UGT3A1: variants seen among roughly 807,000 people sequenced by gnomAD.
UGT3A1 encodes the protein UDP-glycosyltransferase 3A1.
A neutral mutation model predicts 37.6 loss-of-function variants in UGT3A1; 40 were observed. That is an observed-to-expected ratio of 1.06 (90% confidence interval 0.83 to 1.38). UGT3A1 has a LOEUF of 1.38. UGT3A1 is among the 40% of genes most tolerant of loss of function. The pLI, the probability that UGT3A1 is intolerant of heterozygous loss-of-function variation, is 0.00. For missense variants in UGT3A1, 642 were observed against 634.2 expected, an observed-to-expected ratio of 1.01 and a Z score of -0.13; for synonymous variants, 256 against 232.3, an observed-to-expected ratio of 1.10 and a Z score of -0.93.
intron 2 of UGT3A1, among the ~76,000 whole-genome samples, chr5:35,987,905 GAA>G (rs1036512483): frequency 1.3e-5 from 2 of 152,152 alleles, no homozygotes; most frequent in African/African-American, 4.8e-5. Context: ...TGGAGGAAAT[GAA>G]TCAATTAAAA....
chr5:35,954,759 G>A, intron 6 of UGT3A1: 1 of 449,532 alleles, frequency 2.2e-6, no homozygotes, highest in Non-Finnish European at 4.0e-6. Flanking sequence ...CATATCCCTA[G>A]GATGCTTATG....
Position 35,957,177 on chromosome 5 carries a change from G to A in UGT3A1, c.1075+11C>T, listed in dbSNP as rs1739386862. On this transcript the variant is annotated intron_variant, in intron 5 of 6. Transcript: ENST00000274278. ...AATGGAAAGAGAAGAGCAGACCTAA[G>A]CAGTCCTTACCCAGGAGGTCACTCT... The A allele has an allele frequency of 1.2e-6, 2 of 1,611,110 alleles. No homozygotes were observed. Among genetic ancestry groups the A allele is most frequent in the Non-Finnish European group, 1.7e-6 (2 of 1,177,592 alleles).
Position 35,968,072 on chromosome 5 carries a change from T to C in UGT3A1, c.258A>G (p.Gln86=), listed in dbSNP as rs773863744. 1.2e-6 allele frequency: 2 copies of C among 1,613,220 alleles called. No individual in the cohort carries two copies. Among genetic ancestry groups the C allele is most frequent in the Admixed American group, 1.7e-5 (1 of 59,968 alleles). The change falls in exon 3 of 7, where the codon CAA becomes CAG. Residue 86 remains glutamine (Q), a synonymous_variant. Transcript: ENST00000274278. ...VIRWFSPEDH[Q]KRIKKHFDSY... ...TATCAAAATGCTTCTTAATTCTTTT[T>C]TGATGATCTTCAGGTGAAAACCACC...
At position 35,955,677 on chromosome 5, in the gene UGT3A1, T is replaced by A. The variant is rs1169258748; in HGVS notation, c.1263A>T (p.Thr421=). 6.2e-7 allele frequency: 1 copy of A among 1,614,100 alleles called. No individual in the cohort carries two copies. Among genetic ancestry groups the A allele is most frequent in the East Asian group, 2.2e-5 (1 of 44,898 alleles). Reference sequence around the variant, plus strand: ...CTTCTATGACTTGTTTCATTGTAAGTGTCAGTGTGTCGGCTGTGACCTGAT... The same window carrying A: ...CTTCTATGACTTGTTTCATTGTAAGAGTCAGTGTGTCGGCTGTGACCTGAT... ...RLNQVTADTL[T]LTMKQVIEDK... Residue 421 remains threonine, a synonymous_variant, in exon 6 of 7, where the codon ACA becomes ACT. Transcript: ENST00000274278.
intron 2 of UGT3A1, among the ~76,000 whole-genome samples, chr5:35,973,293 A>G (rs1740125556): frequency 6.6e-6 from 1 of 152,198 alleles, no homozygotes; most frequent in Admixed American, 6.5e-5. Context: ...GTTACCCATA[A>G]GAAGGTTCAC....
At chr5:35,994,606 C>A (rs1282128811), upstream of UGT3A1, among the ~76,000 whole-genome samples, 1 of 152,070 alleles carries the variant, frequency 6.6e-6, no homozygotes, top group South Asian at 2.1e-4. Context: ...CTAATCTCAG[C>A]TGACAGGTGC....
At chr5:35,990,413 C>T (rs1740897581) in intron 1 of UGT3A1, among the ~76,000 whole-genome samples, 1 of 152,000 alleles carries the variant, frequency 6.6e-6, no homozygotes, top group African/African-American at 2.4e-5. Flanking sequence ...GGATCGAGCT[C>T]ATATATAATT....
intron 2 of UGT3A1, among the ~76,000 whole-genome samples, chr5:35,974,750 C>T: frequency 6.6e-6 from 1 of 152,162 alleles, no homozygotes; most frequent in East Asian, 1.9e-4. Flanking sequence ...TAGTCAAGTC[C>T]ATCAAAGACA....
chr5:35,956,968 G>C (rs532654366), intron 5 of UGT3A1, among the ~76,000 whole-genome samples: 1 of 152,284 alleles, frequency 6.6e-6, no homozygotes, highest in South Asian at 2.1e-4. Context: ...GCTTGGGTTA[G>C]AAAGAAAAAG....
At chr5:35,982,567 A>C (rs535051788) in intron 2 of UGT3A1, among the ~76,000 whole-genome samples, 127 of 152,296 alleles carry the variant, frequency 8.3e-4, no homozygotes, top group African/African-American at 3.0e-3. Flanking sequence ...CTATCCTCTC[A>C]TGGTATCTTG....
At chr5:35,972,503 G>A (rs1286897851) in intron 2 of UGT3A1, among the ~76,000 whole-genome samples, 1 of 145,162 alleles carries the variant, frequency 6.9e-6, no homozygotes, top group African/African-American at 2.8e-5. Context: ...ACGTGTGTGT[G>A]TGTGTGTGTG....
intron 3 of UGT3A1, 61 bp downstream of exon 3, chr5:35,967,954 ATCTC>A: frequency 8.1e-7 from 1 of 1,237,378 alleles, no homozygotes; most frequent in South Asian, 1.3e-5. Flanking sequence ...AATATCATGC[ATCTC>A]TCTATTCATT....
intron 2 of UGT3A1, among the ~76,000 whole-genome samples, chr5:35,977,111 A>AAAGG (rs201260966): frequency 6.7e-6 from 1 of 148,610 alleles, no homozygotes; most frequent in Non-Finnish European, 1.5e-5. Flanking sequence ...AAAGAGAAAG[A>AAAGG]GAGAAAGAAA....
chr5:35,967,440 C>A (rs1739854834), intron 3 of UGT3A1, among the ~76,000 whole-genome samples: 1 of 152,124 alleles, frequency 6.6e-6, no homozygotes, highest in Non-Finnish European at 1.5e-5. Flanking sequence ...CAGGTGAGGG[C>A]AAGAAGTCTC....
chr5:35,995,040 C>G (rs1741062038), upstream of UGT3A1, among the ~76,000 whole-genome samples: 1 of 152,186 alleles, frequency 6.6e-6, no homozygotes, highest in South Asian at 2.1e-4. Context: ...GAGCTACTTT[C>G]AATGGTATCT....
chr5:35,979,161 C>T (rs1740418363), intron 2 of UGT3A1, among the ~76,000 whole-genome samples: 1 of 151,620 alleles, frequency 6.6e-6, no homozygotes. Context: ...GGTTTTTCCA[C>T]AGACATGCCC....
intron 2 of UGT3A1, among the ~76,000 whole-genome samples, chr5:35,975,209 G>T (rs1449248286): frequency 6.6e-6 from 1 of 152,168 alleles, no homozygotes; most frequent in Non-Finnish European, 1.5e-5. Context: ...CAGGGATGGA[G>T]TTTATGTATG....
chr5:35,983,596 A>G (rs11750394), intron 2 of UGT3A1, among the ~76,000 whole-genome samples: 41,391 of 152,134 alleles, frequency 0.27, 6,968 homozygotes, highest in Non-Finnish European at 0.38. Flanking sequence ...ATAATAAGAA[A>G]AAAAAACACT....
chr5:35,989,236 C>T lies in UGT3A1; in HGVS notation c.95-685G>A, dbSNP rs79293887. Among the ~76,000 whole-genome samples, 690 of 152,290 alleles carry T rather than the reference C, an allele frequency of 4.5e-3. 5 individuals are homozygous for T. Among genetic ancestry groups the T allele is most frequent in the Middle Eastern group, 0.017 (5 of 294 alleles). ...GGGGTGGGCCTATAGATCCTGGTTG[C>T]ACCAGAAACTAAAGAATCACTGATT... On this transcript the variant is annotated intron_variant, in intron 1 of 6. Transcript: ENST00000274278.
Sources: gnomAD v4.1 joint callset for allele counts (sites outside exome capture counted in the v4.1 genomes callset) on GRCh38, gnomAD v4.1.1 for gene constraint, MANE v1.5 for transcripts, NCBI Gene and HGNC (gene_info 2026-07-23, HGNC 2026-07-21) for gene names.